Variants in CCDC68 observed in about 807,000 individuals in gnomAD.
CCDC68 encodes the protein coiled-coil domain containing 68.
In CCDC68, 45 loss-of-function variants were observed where a neutral mutation model predicts 47.1. That is an observed-to-expected ratio of 0.96 (90% confidence interval 0.75 to 1.23). The LOEUF is 1.23. CCDC68 is among the 50% of genes most tolerant of loss of function. The pLI, the probability that CCDC68 is intolerant of heterozygous loss-of-function variation, is 0.00. For missense variants in CCDC68, 353 were observed against 373.6 expected (o/e 0.94, Z 0.45); for synonymous variants, 131 against 129.5 (o/e 1.01, Z -0.08).
chr18:54,920,764 G>T (rs1228277791), intron 8 of CCDC68, among the ~76,000 whole-genome samples: 6 of 152,154 alleles, frequency 3.9e-5, no homozygotes, highest in African/African-American at 1.4e-4. Flanking sequence ...AATTAGTTCA[G>T]CCACTTTGGA....
chr18:54,959,120 T>C (rs1017306991), intron 1 of CCDC68: 5 of 152,184 alleles, frequency 3.3e-5, no homozygotes, highest in African/African-American at 1.2e-4. Flanking sequence ...CTCTTCCCAA[T>C]GGGGAAGAAA....
At chr18:54,914,719 A>G (rs1399687306) in intron 10 of CCDC68, among the ~76,000 whole-genome samples, 1 of 152,228 alleles carries the variant, frequency 6.6e-6, no homozygotes, top group Non-Finnish European at 1.5e-5. Flanking sequence ...ACATTACTGT[A>G]GAGAGTCTGC....
At chr18:54,933,741 G>C (rs932590221) in intron 7 of CCDC68, among the ~76,000 whole-genome samples, 2 of 152,246 alleles carry the variant, frequency 1.3e-5, no homozygotes, top group Non-Finnish European at 2.9e-5. Context: ...AACACTCAGT[G>C]ACCTTCCACA....
intron 8 of CCDC68, among the ~76,000 whole-genome samples, chr18:54,923,711 C>T (rs1313824776): frequency 6.8e-6 from 1 of 146,358 alleles, no homozygotes; most frequent in Admixed American, 6.8e-5. Flanking sequence ...TGTTAAAGCA[C>T]TCAGTCTTTT....
chr18:54,946,932 C>CA (rs976278167), intron 1 of CCDC68, among the ~76,000 whole-genome samples: 1 of 150,642 alleles, frequency 6.6e-6, no homozygotes, highest in African/African-American at 2.5e-5. Flanking sequence ...CCACAGAAGA[C>CA]AAGCAGGGCA....
At chr18:54,936,757 A>T (rs1435709339) in intron 6 of CCDC68, 76 bp downstream of exon 6, 52 of 1,563,428 alleles carry the variant, frequency 3.3e-5, no homozygotes, top group Non-Finnish European at 4.4e-5. Flanking sequence ...TTCATTTCTA[A>T]CTCTTCTAGA....
chr18:54,946,074 T>G (rs2044520058), intron 1 of CCDC68, among the ~76,000 whole-genome samples: 1 of 152,168 alleles, frequency 6.6e-6, no homozygotes, highest in Admixed American at 6.5e-5. Context: ...CACATGAAAA[T>G]TATATGAATT....
intron 6 of CCDC68, 66 bp downstream of exon 6, chr18:54,936,767 A>T: frequency 6.3e-7 from 1 of 1,594,132 alleles, no homozygotes; most frequent in Non-Finnish European, 8.6e-7. Flanking sequence ...ACTCTTCTAG[A>T]AAGATGAACT....
In CCDC68 at chr18:54,932,125, C is replaced by T. The variant is rs533105586; in HGVS notation, c.600+2695G>A. On this transcript the variant is annotated intron_variant, in intron 7 of 11. Coordinates refer to ENST00000591504, the MANE Select transcript of CCDC68 (RefSeq NM_025214.3). ...TTTAAACCAAGAAGTTGCCAAACTT[C>T]ATTCCTTATAGTTTTATTTATTTGC... Among the ~76,000 whole-genome samples, 6 of 151,964 alleles carry T rather than the reference C, an allele frequency of 3.9e-5. No individual in the cohort carries two copies. In the South Asian group the frequency reaches 1.0e-3, roughly 26 times the overall value.
At chr18:54,925,791 C>T (rs1194727182) in intron 8 of CCDC68, among the ~76,000 whole-genome samples, 4 of 152,236 alleles carry the variant, frequency 2.6e-5, no homozygotes, top group African/African-American at 9.6e-5. Flanking sequence ...TATGGGCCCC[C>T]AGTGGAATAA....
chr18:54,905,705 A>G (rs535443100), intron 11 of CCDC68, among the ~76,000 whole-genome samples: 1 of 152,192 alleles, frequency 6.6e-6, no homozygotes, highest in South Asian at 2.1e-4. Context: ...TCCTGCCTTT[A>G]TATCAGGGGT....
intron 7 of CCDC68, among the ~76,000 whole-genome samples, 188 bp downstream of exon 7, chr18:54,934,632 A>G (rs554742378): frequency 6.6e-6 from 1 of 152,374 alleles, no homozygotes; most frequent in South Asian, 2.1e-4. Context: ...TCACCACAGT[A>G]TAGATCATAT....
At position 54,941,759 on chromosome 18, in the gene CCDC68, G is replaced by A. The variant is rs570818389; in HGVS notation, c.118-676C>T. On this transcript the variant is annotated intron_variant, in intron 3 of 11. Transcript: ENST00000591504. Reference sequence around the variant, plus strand: ...TTAGACTGTAAGACTGTAAGAGTAGGAGCCAGGTTTATACTCTACAACATT... The same window carrying A: ...TTAGACTGTAAGACTGTAAGAGTAGAAGCCAGGTTTATACTCTACAACATT... 2.0e-5 allele frequency among the ~76,000 whole-genome samples: 3 copies of A among 152,152 alleles called. 1 individual carries two copies. The South Asian group carries it at 6.2e-4, about 32-fold the overall frequency.
chr18:54,943,449 A>G (rs1161371249), intron 2 of CCDC68, among the ~76,000 whole-genome samples: 2 of 152,204 alleles, frequency 1.3e-5, no homozygotes, highest in African/African-American at 4.8e-5. Flanking sequence ...TAAGGTTTTC[A>G]TACTAAACCA....
intron 5 of CCDC68, chr18:54,937,318 G>C (rs2044366229): frequency 6.0e-6 from 1 of 168,046 alleles, no homozygotes; most frequent in African/African-American, 2.4e-5. Context: ...CTATTAAAAA[G>C]TGTATCTTCC....
intron 1 of CCDC68, among the ~76,000 whole-genome samples, chr18:54,955,608 T>G (rs946700760): frequency 6.6e-6 from 1 of 152,192 alleles, no homozygotes; most frequent in Non-Finnish European, 1.5e-5. Context: ...AGTGGAGATA[T>G]ATAAGAAAAC....
At chr18:54,945,753 G>A (rs1251010595) in intron 1 of CCDC68, among the ~76,000 whole-genome samples, 5 of 152,228 alleles carry the variant, frequency 3.3e-5, no homozygotes, top group Non-Finnish European at 7.3e-5. Flanking sequence ...CAGCAACTCT[G>A]CAAGTGTGCT....
At chr18:54,957,788 T>C (rs543708195) in intron 1 of CCDC68, among the ~76,000 whole-genome samples, 60 of 152,358 alleles carry the variant, frequency 3.9e-4, no homozygotes, top group African/African-American at 1.3e-3. Context: ...CATATAATTT[T>C]GATGTAAATA....
intron 1 of CCDC68, among the ~76,000 whole-genome samples, chr18:54,955,705 C>A (rs2044700996): frequency 6.6e-6 from 1 of 152,048 alleles, no homozygotes; most frequent in South Asian, 2.1e-4. Flanking sequence ...TTAAGAAGTT[C>A]TTTTTTGTTT....
Sources: gnomAD v4.1 joint callset for allele counts (sites outside exome capture counted in the v4.1 genomes callset) on GRCh38, gnomAD v4.1.1 for gene constraint, MANE v1.5 for transcripts, NCBI Gene and HGNC (gene_info 2026-07-23, HGNC 2026-07-21) for gene names.